CDH13: variants seen among roughly 807,000 people sequenced by gnomAD.
CDH13 encodes cadherin-13.
Under a neutral mutation model 63.8 loss-of-function variants are expected in CDH13, and 24 were observed. The ratio of observed to expected loss-of-function variants is 0.38; its 90% CI spans 0.27 to 0.53. The LOEUF (loss-of-function observed/expected upper bound fraction) is 0.53. Ranked by LOEUF, CDH13 falls within the 20% of genes least tolerant of loss-of-function variation. The pLI is 0.85. For missense variants in CDH13, 1,049 were observed against 903.1 expected (o/e 1.16, Z -2.07); for synonymous variants, 503 against 355.3 (o/e 1.42, Z -4.67).
chr16:82,887,825 A>G (rs1251036059), intron 2 of CDH13, among the ~76,000 whole-genome samples: 1 of 152,044 alleles, frequency 6.6e-6, no homozygotes, highest in African/African-American at 2.4e-5. Flanking sequence ...CCGTCTCAGA[A>G]AAAAAAAGAA....
intron 2 of CDH13, among the ~76,000 whole-genome samples, chr16:82,946,818 A>G (rs911370877): frequency 6.6e-6 from 1 of 152,244 alleles, no homozygotes; most frequent in African/African-American, 2.4e-5. Context: ...ACATATGCCT[A>G]GAAATTCACT....
chr16:82,995,305 C>A (rs1312155876), intron 2 of CDH13, among the ~76,000 whole-genome samples: 1 of 152,230 alleles, frequency 6.6e-6, no homozygotes, highest in Non-Finnish European at 1.5e-5. Context: ...AGACTACTTT[C>A]TCCAGCCACC....
In CDH13 at chr16:83,198,721, G is replaced by T. The variant is rs939475754; in HGVS notation, c.484-18624G>T. On this transcript the variant is annotated intron_variant, in intron 4 of 13. Coordinates refer to ENST00000567109, the MANE Select transcript of CDH13 (RefSeq NM_001257.5). ...AAACGGAATAAATATATAGTCTGTT[G>T]TATGGGAACAGGCTCAGAAGCCTAT... 3.9e-5 allele frequency among the ~76,000 whole-genome samples: 6 copies of T among 152,266 alleles called. No homozygotes were observed. The South Asian group carries it at 8.3e-4, about 21-fold the overall frequency.
chr16:83,385,678 C>G (rs1327506923), intron 6 of CDH13, among the ~76,000 whole-genome samples: 1 of 152,202 alleles, frequency 6.6e-6, no homozygotes, highest in Admixed American at 6.5e-5. Context: ...CTCATCACAT[C>G]TGTTTTCAGT....
In CDH13 at chr16:83,141,419, C is replaced by A. The variant is rs73604236; in HGVS notation, c.483+15918C>A. 9.9e-3 allele frequency among the ~76,000 whole-genome samples: 1,503 copies of A among 152,302 alleles called. 30 individuals are homozygous for A. The highest frequency in any genetic ancestry group is 0.035 in the African/African-American group (1,440 of 41,556). The stretch of plus-strand genomic sequence containing the variant: ...ATTGATGTCAGCATGTTCACAATCT[C>A]TATAGGATCATTTCTACTGAGACTA... On this transcript the variant is annotated intron_variant, in intron 4 of 13. Transcript: ENST00000567109.
chr16:83,154,391 CT>C (rs1307703861), intron 4 of CDH13, among the ~76,000 whole-genome samples: 1 of 151,804 alleles, frequency 6.6e-6, no homozygotes, highest in African/African-American at 2.4e-5. Flanking sequence ...CCTGTCTCTA[CT>C]AAAAATACAA....
intron 6 of CDH13, among the ~76,000 whole-genome samples, chr16:83,432,469 C>G (rs1178352950): frequency 6.6e-6 from 1 of 152,202 alleles, no homozygotes; most frequent in African/African-American, 2.4e-5. Flanking sequence ...ATGCCTACTT[C>G]CACGCTTGAG....
chr16:82,976,491 T>C (rs1909526548), intron 2 of CDH13, among the ~76,000 whole-genome samples: 1 of 152,190 alleles, frequency 6.6e-6, no homozygotes, highest in South Asian at 2.1e-4. Context: ...GTTATCCTCA[T>C]CATAGATTAA....
At chr16:83,119,263 T>C (rs1567848301) in intron 3 of CDH13, among the ~76,000 whole-genome samples, 1 of 152,152 alleles carries the variant, frequency 6.6e-6, no homozygotes, top group Non-Finnish European at 1.5e-5. Context: ...TCCTCCCTTT[T>C]CCCTTTTCCC....
intron 5 of CDH13, among the ~76,000 whole-genome samples, chr16:83,237,782 G>C (rs964003003): frequency 6.6e-6 from 1 of 152,160 alleles, no homozygotes; most frequent in Non-Finnish European, 1.5e-5. Flanking sequence ...ATGCTTCCTA[G>C]AGTCACTGTC....
At chr16:83,762,782 A>G (rs1419785465) in intron 11 of CDH13, among the ~76,000 whole-genome samples, 2 of 152,092 alleles carry the variant, frequency 1.3e-5, no homozygotes, top group Non-Finnish European at 2.9e-5. Context: ...TTGCTTGAAA[A>G]TTGTGTAGGG....
intron 6 of CDH13, among the ~76,000 whole-genome samples, chr16:83,422,102 A>T (rs556513969): frequency 3.9e-5 from 6 of 152,306 alleles, no homozygotes; most frequent in African/African-American, 1.2e-4. Context: ...GATTTTGTGG[A>T]TTTATAGTAG....
At chr16:83,683,839 A>G (rs929327418) in intron 10 of CDH13, among the ~76,000 whole-genome samples, 1 of 152,210 alleles carries the variant, frequency 6.6e-6, no homozygotes, top group African/African-American at 2.4e-5. Flanking sequence ...TATATTTTCC[A>G]TCATTTCTAA....
At chr16:82,808,317 A>G (rs1360314905) in intron 1 of CDH13, among the ~76,000 whole-genome samples, 1 of 152,162 alleles carries the variant, frequency 6.6e-6, no homozygotes, top group Non-Finnish European at 1.5e-5. Context: ...TATTTCTGTG[A>G]AGCAAGATCT....
chr16:83,690,333 T>G (rs562847705), intron 10 of CDH13, among the ~76,000 whole-genome samples: 4 of 151,770 alleles, frequency 2.6e-5, no homozygotes, highest in Non-Finnish European at 5.9e-5. Flanking sequence ...TCACTCTAGA[T>G]AGAGGGTCAG....
chr16:83,684,134 A>C (rs994424922), intron 10 of CDH13, among the ~76,000 whole-genome samples: 2 of 152,202 alleles, frequency 1.3e-5, no homozygotes, highest in African/African-American at 2.4e-5. Flanking sequence ...TGGGATGCTG[A>C]GGCAGGTGGA....
intron 10 of CDH13, among the ~76,000 whole-genome samples, chr16:83,692,144 C>T (rs1414100407): frequency 6.6e-6 from 1 of 152,212 alleles, no homozygotes; most frequent in Admixed American, 6.5e-5. Flanking sequence ...AATTACCAGA[C>T]CCAATAGCTT....
intron 5 of CDH13, among the ~76,000 whole-genome samples, chr16:83,341,436 G>C (rs896285134): frequency 6.6e-6 from 1 of 152,176 alleles, no homozygotes; most frequent in Non-Finnish European, 1.5e-5. Flanking sequence ...GTATGTGATT[G>C]GGTGGATAAG....
chr16:83,462,650 G>A (rs1037964781), intron 6 of CDH13, among the ~76,000 whole-genome samples: 1 of 152,176 alleles, frequency 6.6e-6, no homozygotes, highest in Non-Finnish European at 1.5e-5. Flanking sequence ...TTGCTACTCA[G>A]GAGGCTGAGG....
Sources: gnomAD v4.1 joint callset for allele counts (sites outside exome capture counted in the v4.1 genomes callset) on GRCh38, gnomAD v4.1.1 for gene constraint, MANE v1.5 for transcripts, NCBI Gene and HGNC (gene_info 2026-07-23, HGNC 2026-07-21) for gene names.